Variants in MICU3 observed in about 807,000 individuals in gnomAD.
MICU3 encodes the protein calcium uptake protein 3, mitochondrial.
Under a neutral mutation model 66.5 loss-of-function variants are expected in MICU3, and 62 were observed. The observed-to-expected ratio is 0.93, with a 90% CI of 0.76 to 1.15. The LOEUF is 1.15. Among genes scored for constraint, MICU3 ranks in the 50% most tolerant of loss-of-function variants. MICU3 has a pLI of 0.00. For missense variants in MICU3, 779 were observed against 664.4 expected, an observed-to-expected ratio of 1.17 and a Z score of -1.90; for synonymous variants, 308 against 240.7, an observed-to-expected ratio of 1.28 and a Z score of -2.59.
intron 8 of MICU3, among the ~76,000 whole-genome samples, chr8:17,095,110 A>C: frequency 6.6e-6 from 1 of 151,990 alleles, no homozygotes; most frequent in East Asian, 1.9e-4. Context: ...ATCTAGCTTC[A>C]TATTTTTCAA....
chr8:17,095,593 C>G (rs1200813913), intron 8 of MICU3, among the ~76,000 whole-genome samples: 1 of 151,916 alleles, frequency 6.6e-6, no homozygotes, highest in Non-Finnish European at 1.5e-5. Context: ...ATAGAACCTT[C>G]TTAGACCCTT....
chr8:17,070,986 G>A (rs1238964367), intron 3 of MICU3, among the ~76,000 whole-genome samples: 1 of 152,190 alleles, frequency 6.6e-6, no homozygotes, highest in Non-Finnish European at 1.5e-5. Context: ...GAGTTGGACA[G>A]TGTGAGATTT....
At chr8:17,062,192 C>T (rs12545879) in intron 1 of MICU3, among the ~76,000 whole-genome samples, 2 of 152,146 alleles carry the variant, frequency 1.3e-5, no homozygotes, top group East Asian at 3.8e-4. Context: ...GCTGTAGAAA[C>T]TCCACATGTT....
chr8:17,126,382 A>G (rs1419156158), downstream of MICU3, among the ~76,000 whole-genome samples: 8 of 152,180 alleles, frequency 5.3e-5, no homozygotes, highest in Non-Finnish European at 2.9e-5. Flanking sequence ...TCCTTGAGAA[A>G]GAAACCTATA....
At chr8:17,129,636 A>C in the MICU3 span, among the ~76,000 whole-genome samples, 1 of 152,342 alleles carries the variant, frequency 6.6e-6, no homozygotes, top group African/African-American at 2.4e-5. Context: ...AAAGAAAAGA[A>C]TAGCACCTCA....
intron 3 of MICU3, among the ~76,000 whole-genome samples, chr8:17,072,641 C>G (rs1234695533): frequency 6.6e-6 from 1 of 151,778 alleles, no homozygotes; most frequent in Non-Finnish European, 1.5e-5. Flanking sequence ...CACGTAGAAC[C>G]CCTTTTTTTA....
At chr8:17,090,665 C>T (rs1799953636) in intron 8 of MICU3, 81 bp downstream of exon 8, 2 of 1,070,804 alleles carry the variant, frequency 1.9e-6, no homozygotes, top group Non-Finnish European at 2.7e-6. Flanking sequence ...TTATATAAAG[C>T]TATATCTGCT....
intron 3 of MICU3, among the ~76,000 whole-genome samples, chr8:17,077,419 G>C (rs1820537341): frequency 6.6e-6 from 1 of 152,138 alleles, no homozygotes; most frequent in South Asian, 2.1e-4. Context: ...CCTTGATATG[G>C]AAATCCATGT....
intron 11 of MICU3, among the ~76,000 whole-genome samples, chr8:17,108,011 A>T (rs1346959208): frequency 2.0e-5 from 3 of 152,142 alleles, no homozygotes; most frequent in African/African-American, 7.2e-5. Flanking sequence ...AGTAGGGAAA[A>T]GGGGTCAGAT....
At chr8:17,077,745 T>G (rs2150707128) in intron 3 of MICU3, 38 bp from the exon 4 acceptor site, 2 of 1,383,926 alleles carry the variant, frequency 1.4e-6, no homozygotes, top group Non-Finnish European at 2.0e-6. Context: ...ATTAGTAAGT[T>G]GTTTACCAAT....
chr8:17,074,105 C>G (rs1185050474), intron 3 of MICU3, among the ~76,000 whole-genome samples: 1 of 149,944 alleles, frequency 6.7e-6, no homozygotes, highest in Non-Finnish European at 1.5e-5. Flanking sequence ...TCACCGTGGT[C>G]TCCATCTCCT....
chr8:17,124,368 T>A (rs568360088), downstream of MICU3, among the ~76,000 whole-genome samples: 1 of 152,124 alleles, frequency 6.6e-6, no homozygotes, highest in Admixed American at 6.6e-5. Flanking sequence ...ACCAGAACTA[T>A]ATATTTAGTT....
chr8:17,097,133 A>T (rs1800793544), intron 8 of MICU3, among the ~76,000 whole-genome samples: 1 of 151,606 alleles, frequency 6.6e-6, no homozygotes, highest in African/African-American at 2.4e-5. Flanking sequence ...TCTTTATCAC[A>T]TATTAACCTT....
intron 2 of MICU3, among the ~76,000 whole-genome samples, chr8:17,066,973 T>C (rs552201016): frequency 3.9e-5 from 6 of 152,328 alleles, no homozygotes; most frequent in Admixed American, 1.3e-4. Context: ...ATTCTTCTCA[T>C]AGATATTTTA....
chr8:17,049,046 T>C (rs144127497), intron 1 of MICU3, among the ~76,000 whole-genome samples: 8 of 152,326 alleles, frequency 5.3e-5, no homozygotes, highest in African/African-American at 1.9e-4. Flanking sequence ...CTCCATTTCT[T>C]TGAACGTCAG....
At position 17,121,966 on chromosome 8, in the gene MICU3, A is replaced by G. The variant is rs1452590122; in HGVS notation, c.*1679A>G. On this transcript the variant is annotated 3_prime_UTR_variant, in exon 15 of 15. Transcript: ENST00000318063. ...ATGTTCTTAATATGATTTGGTACCT[A>G]AAGTAATTGAAAAAAATGCAGTTTC... is the stretch of plus-strand genomic sequence containing the variant. 1 of 151,764 alleles carries G rather than the reference A, an allele frequency of 6.6e-6. No individual in the cohort carries two copies. The highest frequency in any genetic ancestry group is 2.4e-5 in the African/African-American group (1 of 41,404). 9.4% of individuals were successfully genotyped at this position (151,764 alleles called of 1,614,324 possible).
At chr8:17,119,694 G>A (rs1175455113) in intron 14 of MICU3, among the ~76,000 whole-genome samples, 1 of 151,990 alleles carries the variant, frequency 6.6e-6, no homozygotes, top group Non-Finnish European at 1.5e-5. Flanking sequence ...TCCCCATAGA[G>A]TTTATTAGAT....
the MICU3 span, among the ~76,000 whole-genome samples, chr8:17,134,743 G>GATT: frequency 1.3e-5 from 2 of 152,098 alleles, no homozygotes; most frequent in Non-Finnish European, 2.9e-5. Context: ...CACACTGGCC[G>GATT]AAAGTCAGCC....
In MICU3 at chr8:17,049,895, T is replaced by G. The variant is rs569890162; in HGVS notation, c.382-14189T>G. 2.6e-5 allele frequency among the ~76,000 whole-genome samples: 4 copies of G among 152,310 alleles called. No individual in the cohort carries two copies. In the East Asian group the frequency reaches 7.7e-4, roughly 29 times the overall value. On this transcript the variant is annotated intron_variant, in intron 1 of 14. Coordinates refer to ENST00000318063, the MANE Select transcript of MICU3 (RefSeq NM_181723.3). The stretch of plus-strand genomic sequence containing the variant: ...TATTCCTATAAGACATGAACTTTTG[T>G]TTTTTTACTCATTTTTCTACAACCT...
Sources: allele counts gnomAD v4.1 joint callset (sites outside exome capture counted in the v4.1 genomes callset), GRCh38; gene constraint gnomAD v4.1.1; transcripts MANE v1.5; gene names NCBI Gene and HGNC (gene_info 2026-07-23, HGNC 2026-07-21).